Variants in WDR54 observed in about 807,000 individuals in gnomAD.
The protein encoded by WDR54 is WD repeat domain 54, also known as WD repeat-containing protein 54.
A neutral mutation model predicts 44.1 loss-of-function variants in WDR54; 44 were observed. The observed-to-expected ratio is 1.00, with a 90% CI of 0.78 to 1.28. The LOEUF (loss-of-function observed/expected upper bound fraction) is 1.28, where lower values mean the gene tolerates loss of function less well. WDR54 is among the 50% of genes most tolerant of loss of function. WDR54 has a pLI of 0.00. For synonymous variants in WDR54, 169 were observed against 169.8 expected, an observed-to-expected ratio of 1.00 and a Z score of 0.04; for missense variants, 409 against 429.7, an observed-to-expected ratio of 0.95 and a Z score of 0.43.
rs1670293708 is a variant in WDR54, at chr2:74,424,863, C to G, written c.535-12C>G. 7.4e-6 allele frequency: 12 copies of G among 1,614,062 alleles called. No homozygotes were observed. Among genetic ancestry groups the G allele is most frequent in the Non-Finnish European group, 1.0e-5 (12 of 1,180,024 alleles). On this transcript the variant is annotated splice_polypyrimidine_tract_variant and intron_variant, in intron 6 of 9. Coordinates refer to ENST00000348227, the MANE Select transcript of WDR54 (RefSeq NM_032118.4). ...GGAGAAAGGGAAGGGTTGATCTTGCCTTTCCCTTCAGGATTGTGTGGCTGA... is the reference window on the plus strand; with the variant it reads ...GGAGAAAGGGAAGGGTTGATCTTGCGTTTCCCTTCAGGATTGTGTGGCTGA...
intron 5 of WDR54, 38 bp downstream of exon 5, chr2:74,423,569 G>A: frequency 6.2e-7 from 1 of 1,608,244 alleles, no homozygotes; most frequent in Admixed American, 1.7e-5. Context: ...GGGGTGCTGG[G>A]GCATGTGGGC....
chr2:74,423,428 T>C (rs1468868841), intron 4 of WDR54, 43 bp downstream of exon 4: 1 of 1,613,948 alleles, frequency 6.2e-7, no homozygotes, highest in Non-Finnish European at 8.5e-7. Context: ...GAGTGTTTGC[T>C]AGGGCTGCAG....
chr2:74,425,402 C>T lies in WDR54; in HGVS notation c.799-15C>T, dbSNP rs1259970800. 3 of 1,614,092 alleles carry T rather than the reference C, an allele frequency of 1.9e-6. No individual in the cohort carries two copies. The highest frequency in any genetic ancestry group is 1.1e-5 in the South Asian group (1 of 91,076). On this transcript the variant is annotated splice_polypyrimidine_tract_variant and intron_variant, in intron 8 of 9. Transcript: ENST00000348227. Reference sequence around the variant, plus strand: ...CCGTCAGGGCATTCTGACTCCCCCTCTTCCTCCTCCACAGCTACTCTCTGC... The same window carrying T: ...CCGTCAGGGCATTCTGACTCCCCCTTTTCCTCCTCCACAGCTACTCTCTGC...
chr2:74,422,451 C>CCTGCTCCTGA, intron 2 of WDR54, 76 bp downstream of exon 2: 2 of 1,452,992 alleles, frequency 1.4e-6, no homozygotes, highest in South Asian at 1.3e-5. Context: ...CCTTCAGGAG[C>CCTGCTCCTGA]AGGCATGTCC....
Position 74,425,679 on chromosome 2 carries a change from T to C in WDR54, c.983T>C (p.Ile328Thr). Residue 328 changes from isoleucine (I) to threonine (T), a missense_variant, in exon 10 of 10, where the codon ATC becomes ACC. Transcript: ENST00000348227. The part of the protein sequence containing the change: ...FAVTGYDLAE[I>T]RRFSSV ...GTGACTGGCTATGACCTTGCGGAGATCCGGAGATTCAGCAGTGTGTGAGAA... is the reference window on the plus strand; with the variant it reads ...GTGACTGGCTATGACCTTGCGGAGACCCGGAGATTCAGCAGTGTGTGAGAA... 6.2e-7 allele frequency: 1 copy of C among 1,614,194 alleles called. No homozygotes were observed. The highest frequency in any genetic ancestry group is 1.1e-5 in the South Asian group (1 of 91,082).
intron 5 of WDR54, 34 bp downstream of exon 5, chr2:74,423,565 C>T: frequency 5.0e-6 from 8 of 1,610,854 alleles, no homozygotes; most frequent in Non-Finnish European, 5.9e-6. Flanking sequence ...TGGAGGGGTG[C>T]TGGGGCATGT....
At position 74,423,914 on chromosome 2, in the gene WDR54, C is replaced by CCCAACAT; in HGVS notation, c.466_467insCCAACAT (p.Leu156ProfsTer30). 1 of 1,614,154 alleles carries CCCAACAT rather than the reference C, an allele frequency of 6.2e-7. No homozygotes were observed. Among genetic ancestry groups the CCCAACAT allele is most frequent in the Non-Finnish European group, 8.5e-7 (1 of 1,180,028 alleles). On this transcript the variant is annotated frameshift_variant, in exon 6 of 10. Coordinates refer to ENST00000348227, the MANE Select transcript of WDR54 (RefSeq NM_032118.4). LOFTEE classifies it high-confidence loss of function. ...CCCAGCAAAGGGTCCCAACATTGTA[C>CCCAACAT]TGAGCGAGGAGCTGGCTGGGCACCA...
Position 74,425,578 on chromosome 2 carries a change from C to T in WDR54, c.882C>T (p.His294=). 6.2e-7 allele frequency: 1 copy of T among 1,614,230 alleles called. No individual in the cohort carries two copies. The highest frequency in any genetic ancestry group is 8.5e-7 in the Non-Finnish European group (1 of 1,180,036). The change falls in exon 10 of 10, where the codon CAC becomes CAT. Residue 294 remains histidine (H), a synonymous_variant. Transcript: ENST00000348227. ...GCCCTCTGCTCCCCCAGGTGGAACACTGTCATGGTGAGTGTGTCGCCGACA... is the reference window on the plus strand; with the variant it reads ...GCCCTCTGCTCCCCCAGGTGGAACATTGTCATGGTGAGTGTGTCGCCGACA... ...NPESGYIEVE[H]CHGECVADTQ...
intron 3 of WDR54, 66 bp downstream of exon 3, chr2:74,422,998 CT>C: frequency 6.5e-7 from 1 of 1,535,828 alleles, no homozygotes; most frequent in Admixed American, 1.7e-5. Flanking sequence ...GGCTTCCAGA[CT>C]TTCCCACTTG....
rs1469954011 is a variant in WDR54, at chr2:74,425,098, T to G, written c.659T>G (p.Leu220Arg). ...GFGVPCPSVQ[L>R]WQGIIAAGYG... ...AGAGTTCCGTGCCCCTCTGTGCAGC[T>G]GTGGCAGGGGATCATAGCAGCAGGC... Residue 220 changes from leucine (L) to arginine (R), a missense_variant, in exon 8 of 10, where the codon CTG becomes CGG. Leu to Arg is a moderately radical substitution (Grantham distance 102). Transcript: ENST00000348227. The G allele has an allele frequency of 6.3e-6, 10 of 1,595,066 alleles. No individual in the cohort carries two copies. Among genetic ancestry groups the G allele is most frequent in the Non-Finnish European group, 8.6e-6 (10 of 1,167,020 alleles).
Position 74,423,526 on chromosome 2 carries a change from G to A in WDR54, c.401G>A (p.Cys134Tyr). 6.2e-7 allele frequency: 1 copy of A among 1,613,920 alleles called. No individual in the cohort carries two copies. Among genetic ancestry groups the A allele is most frequent in the Non-Finnish European group, 8.5e-7 (1 of 1,179,874 alleles). The change falls in exon 5 of 10, where the codon TGT becomes TAT. Residue 134 changes from cysteine (C) to tyrosine (Y), a missense_variant. By Grantham distance (194) the Cys-to-Tyr change is radical. Transcript: ENST00000348227. Reference sequence around the variant, plus strand: ...ATTGCTGCCAGTGGCCACTTCATCTGTGTGGGTGAGGGAGCCAAGTGCAGG... The same window carrying A: ...ATTGCTGCCAGTGGCCACTTCATCTATGTGGGTGAGGGAGCCAAGTGCAGG... ...RGIAASGHFI[C>Y]VGTWSGRVLV... is the part of the protein sequence containing the mutation.
intron 6 of WDR54, among the ~76,000 whole-genome samples, chr2:74,424,484 AG>A (rs556125253): frequency 2.4e-4 from 37 of 152,208 alleles, no homozygotes; most frequent in Non-Finnish European, 4.9e-4. Context: ...GCATAGGGCT[AG>A]GCCCATAGGT....
rs771027091 is a variant in WDR54 at position 74,424,830 on chromosome 2, A to G, written c.535-45A>G. On this transcript the variant is annotated intron_variant, in intron 6 of 9. Transcript: ENST00000348227. ...CCCCTCCTGCCCTGTATACAGGACC[A>G]TAGCAGGGGAGAAAGGGAAGGGTTG... is the stretch of plus-strand genomic sequence containing the variant. The G allele has an allele frequency of 5.6e-6, 9 of 1,607,574 alleles. No homozygotes were observed. The African/African-American group carries it at 9.4e-5, about 17-fold the overall frequency.
chr2:74,422,333 C>A lies in WDR54; in HGVS notation c.180C>A (p.His60Gln), dbSNP rs758877435. ...TGCCCTTGGCCCAGCGCCAGCTCCACGCTAAGGAGGGTGCTGGAGTGAGTC... is the reference window on the plus strand; with the variant it reads ...TGCCCTTGGCCCAGCGCCAGCTCCAAGCTAAGGAGGGTGCTGGAGTGAGTC... ...EGVPLAQRQL[H>Q]AKEGAGVSPP... Residue 60 changes from histidine (H) to glutamine (Q), a missense_variant, in exon 2 of 10, where the codon CAC becomes CAA. His to Gln is a conservative substitution (Grantham distance 24). Transcript: ENST00000348227. The A allele has an allele frequency of 6.2e-7, 1 of 1,614,152 alleles. No homozygotes were observed. Among genetic ancestry groups the A allele is most frequent in the Non-Finnish European group, 8.5e-7 (1 of 1,180,018 alleles).
At position 74,422,242 on chromosome 2, in the gene WDR54, A is replaced by G. The variant is rs1315287854; in HGVS notation, c.89A>G (p.Asn30Ser). Reference sequence around the variant, plus strand: ...AGTGTGCTGCAGCTGCCGGCTCGCAACCTCACGTATTTTGGCGTGGTTCAT... The same window carrying G: ...AGTGTGCTGCAGCTGCCGGCTCGCAGCCTCACGTATTTTGGCGTGGTTCAT... ...NLSVLQLPAR[N>S]LTYFGVVHGP... Residue 30 changes from asparagine to serine, a missense_variant, in exon 2 of 10, where the codon AAC (asparagine) becomes AGC (serine). Asn to Ser is a conservative substitution (Grantham distance 46). Transcript: ENST00000348227. 8 of 1,614,126 alleles carry G rather than the reference A, an allele frequency of 5.0e-6. No homozygotes were observed. Among genetic ancestry groups the G allele is most frequent in the Non-Finnish European group, 6.8e-6 (8 of 1,180,022 alleles).
chr2:74,423,041 T>A, intron 3 of WDR54, 109 bp downstream of exon 3: 1 of 1,143,670 alleles, frequency 8.7e-7, no homozygotes, highest in Non-Finnish European at 1.3e-6. Context: ...TTCACATGCT[T>A]GGCCCACTCA....
In WDR54 at chr2:74,421,801, C is replaced by A. The variant is rs1048538821; in HGVS notation, c.-17C>A. On this transcript the variant is annotated 5_prime_UTR_variant, in exon 1 of 10. Transcript: ENST00000348227. ...CCTACGAACCAGGAGTCAGGCGAGC[C>A]GATCTGGGGCTGCAGGTGTTACCTC... is the stretch of plus-strand genomic sequence containing the variant. 4.5e-6 allele frequency: 3 copies of A among 674,006 alleles called. No homozygotes were observed. The highest frequency in any genetic ancestry group is 4.9e-5 in the Admixed American group (2 of 40,960). 41.8% of individuals were successfully genotyped at this position (674,006 alleles called of 1,614,324 possible).
At chr2:74,425,051 C>G in intron 7 of WDR54, 24 bp from the exon 8 acceptor site, 1 of 1,612,386 alleles carries the variant, frequency 6.2e-7, no homozygotes, top group Non-Finnish European at 8.5e-7. Context: ...CTGGGCAAAA[C>G]AAAGTTGGGT....
rs1051237428 is a variant in WDR54, at chr2:74,423,529, T to C, written c.404T>C (p.Val135Ala). Residue 135 changes from valine (V) to alanine (A), a missense_variant and splice_region_variant, in exon 5 of 10, where the codon GTG becomes GCG. By Grantham distance (64) the Val-to-Ala change is moderately conservative. Transcript: ENST00000348227. ...GIAASGHFIC[V>A]GTWSGRVLVF... Reference sequence around the variant, plus strand: ...GCTGCCAGTGGCCACTTCATCTGTGTGGGTGAGGGAGCCAAGTGCAGGGCA... The same window carrying C: ...GCTGCCAGTGGCCACTTCATCTGTGCGGGTGAGGGAGCCAAGTGCAGGGCA... 2.5e-6 allele frequency: 4 copies of C among 1,613,672 alleles called. No homozygotes were observed. In the African/African-American group the frequency reaches 5.3e-5, roughly 22 times the overall value.
Sources: allele counts gnomAD v4.1 joint callset (sites outside exome capture counted in the v4.1 genomes callset), GRCh38; gene constraint gnomAD v4.1.1; transcripts MANE v1.5; gene names NCBI Gene and HGNC (gene_info 2026-07-23, HGNC 2026-07-21).